Variants in RIMS2 observed in about 807,000 individuals in gnomAD.
RIMS2 encodes the protein regulating synaptic membrane exocytosis protein 2.
In RIMS2, 59 loss-of-function variants were observed where a neutral mutation model predicts 174.4. That is an observed-to-expected ratio of 0.34 (90% CI 0.27 to 0.42). RIMS2 has a LOEUF of 0.42. Ranked by LOEUF, RIMS2 falls within the 10% of genes least tolerant of loss-of-function variation. RIMS2 has a pLI of 1.00. For synonymous variants in RIMS2, 606 were observed against 572.5 expected (o/e 1.06, Z -0.84); for missense variants, 1,620 against 1,666.3 (o/e 0.97, Z 0.48).
intron 17 of RIMS2, among the ~76,000 whole-genome samples, chr8:103,993,337 C>T (rs1216690180): frequency 6.6e-6 from 1 of 151,964 alleles, no homozygotes; most frequent in Non-Finnish European, 1.5e-5. Context: ...AGATAAATTA[C>T]TTTATAAGCT....
chr8:104,076,838 A>G (rs1276540078), intron 19 of RIMS2, among the ~76,000 whole-genome samples: 2 of 134,428 alleles, frequency 1.5e-5, no homozygotes, highest in Non-Finnish European at 3.2e-5. Context: ...TTTTTTTTTT[A>G]CATAGTCTCG....
At chr8:103,733,722 A>G (rs1473932372) in intron 2 of RIMS2, among the ~76,000 whole-genome samples, 1 of 152,160 alleles carries the variant, frequency 6.6e-6, no homozygotes, top group African/African-American at 2.4e-5. Flanking sequence ...GCTAAGTCGC[A>G]TAATCACTGT....
At chr8:103,604,640 G>A (rs1367467367) in intron 1 of RIMS2, among the ~76,000 whole-genome samples, 1 of 147,778 alleles carries the variant, frequency 6.8e-6, no homozygotes, top group African/African-American at 2.5e-5. Flanking sequence ...AGCATGGAAT[G>A]TTCTTCCATT....
intron 3 of RIMS2, among the ~76,000 whole-genome samples, chr8:103,792,558 A>G (rs1231386630): frequency 6.6e-6 from 1 of 152,170 alleles, no homozygotes; most frequent in Admixed American, 6.5e-5. Context: ...AGAAGGCAAG[A>G]AATAACTAAG....
At chr8:103,837,074 A>G (rs540566087) in intron 3 of RIMS2, among the ~76,000 whole-genome samples, 20 of 152,236 alleles carry the variant, frequency 1.3e-4, no homozygotes, top group Non-Finnish European at 2.6e-4. Context: ...ACTATATGTT[A>G]GTTGTCTATT....
At position 103,808,129 on chromosome 8, in the gene RIMS2, G is replaced by A. The variant is rs564587741; in HGVS notation, c.698+41592G>A. 4.6e-5 allele frequency among the ~76,000 whole-genome samples: 7 copies of A among 152,206 alleles called. No homozygotes were observed. The East Asian group carries it at 9.6e-4, about 21-fold the overall frequency. On this transcript the variant is annotated intron_variant, in intron 3 of 23. Transcript: ENST00000504942. ...TTCAGGCCAAAAGAGCTATTTTCCC[G>A]AGAGTTGTTTTGAAGCACAGGAAAA... is the stretch of plus-strand genomic sequence containing the variant.
chr8:103,628,281 A>T (rs1286906460), intron 1 of RIMS2, among the ~76,000 whole-genome samples: 1 of 152,100 alleles, frequency 6.6e-6, no homozygotes. Context: ...ACCTTACAAG[A>T]GAAAGAAAAT....
At chr8:104,227,241 G>T (rs1587850693) in intron 19 of RIMS2, among the ~76,000 whole-genome samples, 2 of 131,512 alleles carry the variant, frequency 1.5e-5, no homozygotes, top group African/African-American at 3.0e-5. Flanking sequence ...CCTTTTCCCT[G>T]GGTGTATTCC....
At chr8:103,846,383 C>G (rs1277163932) in intron 3 of RIMS2, among the ~76,000 whole-genome samples, 1 of 152,130 alleles carries the variant, frequency 6.6e-6, no homozygotes, top group Non-Finnish European at 1.5e-5. Context: ...GAAAGAAGAA[C>G]TAGTCAAGGG....
intron 15 of RIMS2, among the ~76,000 whole-genome samples, chr8:103,973,947 A>T (rs747544378): frequency 2.6e-5 from 4 of 152,160 alleles, no homozygotes; most frequent in Non-Finnish European, 5.9e-5. Context: ...CACCTCATCC[A>T]TGAGGTTAAA....
At chr8:103,554,563 G>A (rs1849562815) in intron 1 of RIMS2, among the ~76,000 whole-genome samples, 1 of 152,150 alleles carries the variant, frequency 6.6e-6, no homozygotes, top group Non-Finnish European at 1.5e-5. Flanking sequence ...TGTAGAAAAG[G>A]GAACACTTAT....
chr8:104,202,283 T>A (rs574791598), intron 19 of RIMS2, among the ~76,000 whole-genome samples: 1 of 152,174 alleles, frequency 6.6e-6, no homozygotes, highest in Non-Finnish European at 1.5e-5. Context: ...GAAATTCACT[T>A]TACAGCTGAA....
intron 3 of RIMS2, among the ~76,000 whole-genome samples, chr8:103,834,742 T>TTCTTTCTC (rs1406395709): frequency 3.9e-4 from 43 of 109,574 alleles, no homozygotes; most frequent in Non-Finnish European, 6.0e-4. Flanking sequence ...CTTTCTTTCT[T>TTCTTTCTC]TCTCTCTCTT....
At chr8:103,726,713 A>T (rs1355910452) in intron 2 of RIMS2, among the ~76,000 whole-genome samples, 2 of 147,652 alleles carry the variant, frequency 1.4e-5, no homozygotes, top group African/African-American at 4.9e-5. Context: ...TTATATATAT[A>T]TTTTATTTAT....
At chr8:104,216,164 A>G (rs1269656489) in intron 19 of RIMS2, among the ~76,000 whole-genome samples, 1 of 152,220 alleles carries the variant, frequency 6.6e-6, no homozygotes, top group Non-Finnish European at 1.5e-5. Flanking sequence ...TTTTGAAGAC[A>G]TTCAGTGAGA....
At chr8:104,002,731 C>G (rs922395594) in intron 17 of RIMS2, among the ~76,000 whole-genome samples, 5 of 152,078 alleles carry the variant, frequency 3.3e-5, no homozygotes, top group Admixed American at 6.6e-5. Context: ...CCAGTTATGC[C>G]CACTCCATTA....
intron 1 of RIMS2, among the ~76,000 whole-genome samples, chr8:103,565,773 T>G (rs1016649075): frequency 6.6e-6 from 1 of 152,198 alleles, no homozygotes; most frequent in African/African-American, 2.4e-5. Context: ...GGGAGGCCTC[T>G]GAACACTGGT....
chr8:104,173,841 G>A (rs1331408268), intron 19 of RIMS2, among the ~76,000 whole-genome samples: 1 of 151,012 alleles, frequency 6.6e-6, no homozygotes, highest in Non-Finnish European at 1.5e-5. Flanking sequence ...TGTTAGCCAG[G>A]CTCTTCTGAT....
At chr8:103,926,250 T>G (rs2078754044) in intron 10 of RIMS2, among the ~76,000 whole-genome samples, 1 of 151,592 alleles carries the variant, frequency 6.6e-6, no homozygotes, top group Non-Finnish European at 1.5e-5. Context: ...AGTACCTTGT[T>G]TAGTCCCTTT....
Sources: allele counts gnomAD v4.1 joint callset (sites outside exome capture counted in the v4.1 genomes callset), GRCh38; gene constraint gnomAD v4.1.1; transcripts MANE v1.5; gene names NCBI Gene and HGNC (gene_info 2026-07-23, HGNC 2026-07-21).